Variants in CBY1 observed in about 807,000 individuals in gnomAD.
The protein encoded by CBY1 is chibby 1, beta catenin antagonist.
CBY1 carries 10 observed loss-of-function variants against 15.6 expected under a neutral mutation model. The ratio of observed to expected loss-of-function variants is 0.64; its 90% CI spans 0.40 to 1.09. The LOEUF (loss-of-function observed/expected upper bound fraction) is 1.09. CBY1 is among the 50% of genes least tolerant of loss of function. The probability of loss-of-function intolerance (pLI) is 0.01; values close to 1 mark genes in which losing one functional copy is unlikely to be tolerated. For missense variants in CBY1, 150 were observed against 160.5 expected (o/e 0.93, Z 0.35); for synonymous variants, 61 against 63.5 (o/e 0.96, Z 0.19).
At chr22:38,656,876 G>A (rs1462163451) in intron 1 of CBY1, 126 bp downstream of exon 1, 1 of 152,276 alleles carries the variant, frequency 6.6e-6, no homozygotes, top group Non-Finnish European at 1.5e-5. Flanking sequence ...GGGGACGGAG[G>A]CCGGGCGACC....
chr22:38,662,673 G>A (rs2092425426), intron 1 of CBY1, among the ~76,000 whole-genome samples: 1 of 151,978 alleles, frequency 6.6e-6, no homozygotes, highest in African/African-American at 2.4e-5. Context: ...TGTATCTTTG[G>A]TAGAGACAGG....
intron 1 of CBY1, among the ~76,000 whole-genome samples, chr22:38,658,812 GA>G (rs2092413337): frequency 6.6e-6 from 1 of 152,146 alleles, no homozygotes; most frequent in Admixed American, 6.5e-5. Flanking sequence ...TCATATGGGG[GA>G]AATACCATAC....
chr22:38,666,093 C>T (rs2092435041), intron 1 of CBY1, among the ~76,000 whole-genome samples: 1 of 151,496 alleles, frequency 6.6e-6, no homozygotes, highest in Non-Finnish European at 1.5e-5. Context: ...TCACCTTGGC[C>T]TCCCAAAGTG....
intron 1 of CBY1, among the ~76,000 whole-genome samples, chr22:38,660,538 A>G (rs1317960034): frequency 2.0e-5 from 3 of 152,068 alleles, no homozygotes; most frequent in African/African-American, 7.2e-5. Flanking sequence ...TTACTAATAC[A>G]AGGATAAGTA....
intron 4 of CBY1, among the ~76,000 whole-genome samples, chr22:38,672,680 AAAGCACCCAGC>A (rs2092456610): frequency 6.6e-6 from 1 of 152,120 alleles, no homozygotes; most frequent in African/African-American, 2.4e-5. Flanking sequence ...TAGTACAAGA[AAAGCACCCAGC>A]CTGGCCGACA....
intron 4 of CBY1, among the ~76,000 whole-genome samples, chr22:38,672,517 T>C (rs1173321364): frequency 1.3e-5 from 2 of 151,924 alleles, no homozygotes; most frequent in South Asian, 4.1e-4. Flanking sequence ...GGTTTCACCA[T>C]GTTGGCCAGG....
At chr22:38,669,799 A>G (rs1426104994) in intron 2 of CBY1, 2 of 152,454 alleles carry the variant, frequency 1.3e-5, no homozygotes, top group East Asian at 3.9e-4. Flanking sequence ...AGTTGTAGAA[A>G]TGAATATCTA....
At chr22:38,660,506 T>C (rs1439088499) in intron 1 of CBY1, among the ~76,000 whole-genome samples, 3 of 152,062 alleles carry the variant, frequency 2.0e-5, no homozygotes, top group East Asian at 1.9e-4. Context: ...AAAATGCATC[T>C]TTTAATGATG....
intron 1 of CBY1, among the ~76,000 whole-genome samples, chr22:38,660,708 C>G (rs1403164529): frequency 6.6e-6 from 1 of 151,862 alleles, no homozygotes; most frequent in Non-Finnish European, 1.5e-5. Context: ...AATTGGGAAA[C>G]TACCCCAAAC....
chr22:38,662,472 C>T (rs942233607), intron 1 of CBY1, among the ~76,000 whole-genome samples: 1 of 151,994 alleles, frequency 6.6e-6, no homozygotes, highest in African/African-American at 2.4e-5. Flanking sequence ...AAAATATCAT[C>T]ATGACCTTGG....
intron 2 of CBY1, among the ~76,000 whole-genome samples, chr22:38,669,414 T>C (rs571820974): frequency 6.6e-6 from 1 of 152,292 alleles, no homozygotes; most frequent in South Asian, 2.1e-4. Flanking sequence ...GATTGATACC[T>C]TTCTATGTGC....
intron 1 of CBY1, among the ~76,000 whole-genome samples, chr22:38,664,346 C>A (rs2092430315): frequency 6.6e-6 from 1 of 150,516 alleles, no homozygotes; most frequent in Non-Finnish European, 1.5e-5. Context: ...GTGGTGTGTT[C>A]CTGTAATCCC....
intron 1 of CBY1, among the ~76,000 whole-genome samples, chr22:38,666,187 T>TC (rs1231725038): frequency 6.6e-6 from 1 of 150,580 alleles, no homozygotes; most frequent in Non-Finnish European, 1.5e-5. Flanking sequence ...ACCTTACACT[T>TC]ATGATTTGTG....
At position 38,669,338 on chromosome 22, in the gene CBY1, C is replaced by T. The variant is rs556109949; in HGVS notation, c.78+1206C>T. Among the ~76,000 whole-genome samples, 20 of 152,268 alleles carry T rather than the reference C, an allele frequency of 1.3e-4. 1 individual carries two copies. The highest frequency in any genetic ancestry group is 4.3e-4 in the African/African-American group (18 of 41,560). ...AAGCCCCGTGTGAACCTCCTCTGCG[C>T]ACGCTACTCCTTCTGCCTAGAATGT... On this transcript the variant is annotated intron_variant, in intron 2 of 4. Transcript: ENST00000216029.
chr22:38,672,283 A>T (rs1297629925), intron 4 of CBY1, among the ~76,000 whole-genome samples: 2 of 150,994 alleles, frequency 1.3e-5, no homozygotes, highest in Non-Finnish European at 2.9e-5. Context: ...AAAGAAAAAG[A>T]CTGACATTTT....
intron 1 of CBY1, among the ~76,000 whole-genome samples, chr22:38,664,795 G>A (rs1026758679): frequency 2.0e-5 from 3 of 152,078 alleles, no homozygotes; most frequent in Non-Finnish European, 4.4e-5. Context: ...AACCAGAAAA[G>A]TGTACATATG....
rs1333450363 is a variant in CBY1, at chr22:38,673,150, C to T, written c.304-9C>T. 1 of 1,602,076 alleles carries T rather than the reference C, an allele frequency of 6.2e-7. No individual in the cohort carries two copies. The highest frequency in any genetic ancestry group is 1.1e-5 in the South Asian group (1 of 90,716). ...TGCTGCTTGCTAACAGCCGCTGCTTCACTTTCAGCTTTCAGAGTCCACTGC... is the reference window on the plus strand; with the variant it reads ...TGCTGCTTGCTAACAGCCGCTGCTTTACTTTCAGCTTTCAGAGTCCACTGC... On this transcript the variant is annotated splice_polypyrimidine_tract_variant and intron_variant, in intron 4 of 4. Transcript: ENST00000216029.
intron 4 of CBY1, chr22:38,671,467 T>C (rs972424137): frequency 7.5e-6 from 3 of 400,526 alleles, no homozygotes; most frequent in African/African-American, 4.1e-5. Flanking sequence ...TCGGGAGAGC[T>C]TCCCAGAGGA....
intron 4 of CBY1, among the ~76,000 whole-genome samples, chr22:38,672,822 G>A (rs758669306): frequency 1.3e-5 from 2 of 152,152 alleles, no homozygotes; most frequent in Non-Finnish European, 2.9e-5. Flanking sequence ...GGGAGCTACA[G>A]CTTAGAATCA....
Sources: gnomAD v4.1 joint callset for allele counts (sites outside exome capture counted in the v4.1 genomes callset) on GRCh38, gnomAD v4.1.1 for gene constraint, MANE v1.5 for transcripts, NCBI Gene and HGNC (gene_info 2026-07-23, HGNC 2026-07-21) for gene names.